Variants in CCDC198 observed in about 807,000 individuals in gnomAD.
The protein encoded by CCDC198 is factor associated with metabolism and energy.
Under a neutral mutation model 35.6 loss-of-function variants are expected in CCDC198, and 18 were observed. The ratio of observed to expected loss-of-function variants is 0.51; its 90% confidence interval spans 0.35 to 0.75. The LOEUF is 0.75. Ranked by LOEUF, CCDC198 falls within the 30% of genes least tolerant of loss-of-function variation. CCDC198 has a pLI of 0.01. For synonymous variants in CCDC198, 119 were observed against 113.4 expected, an observed-to-expected ratio of 1.05 and a Z score of -0.31; for missense variants, 365 against 343.7, an observed-to-expected ratio of 1.06 and a Z score of -0.49.
At chr14:57,476,537 G>T (rs977377366) in intron 5 of CCDC198, among the ~76,000 whole-genome samples, 3 of 152,162 alleles carry the variant, frequency 2.0e-5, no homozygotes, top group Admixed American at 1.3e-4. Context: ...CATTCACTAT[G>T]TGTACATTAT....
At chr14:57,475,279 A>AATAC (rs2066943394) in intron 5 of CCDC198, 1 of 739,476 alleles carries the variant, frequency 1.4e-6, no homozygotes, top group Non-Finnish European at 1.6e-6. Context: ...TAAATAAATA[A>AATAC]ATAAATAAAT....
chr14:57,480,571 A>T (rs1382122675), intron 5 of CCDC198, 24 bp downstream of exon 5: 2 of 1,607,886 alleles, frequency 1.2e-6, no homozygotes, highest in African/African-American at 2.7e-5. Context: ...GAAATGTTTT[A>T]CTAAAAAATT....
At chr14:57,481,263 G>A (rs1352272591) in intron 4 of CCDC198, among the ~76,000 whole-genome samples, 1 of 152,108 alleles carries the variant, frequency 6.6e-6, no homozygotes, top group East Asian at 1.9e-4. Flanking sequence ...ACTAAACCAA[G>A]AAAAATGATC....
chr14:57,488,522 C>A (rs1470971982), intron 2 of CCDC198, among the ~76,000 whole-genome samples: 1 of 152,050 alleles, frequency 6.6e-6, no homozygotes, highest in Non-Finnish European at 1.5e-5. Context: ...TACTCACAAA[C>A]CTTTGTGGAT....
In CCDC198 at chr14:57,488,710, G is replaced by T. The variant is rs533656796; in HGVS notation, c.306+2279C>A. On this transcript the variant is annotated intron_variant, in intron 2 of 5. Transcript: ENST00000216445. Reference sequence around the variant, plus strand: ...AAACAAACAACCCCATTAAAAAGTGGGCAAAGGACATGAACAGACACTTCT... The same window carrying T: ...AAACAAACAACCCCATTAAAAAGTGTGCAAAGGACATGAACAGACACTTCT... Among the ~76,000 whole-genome samples the T allele has an allele frequency of 4.6e-5, 7 of 152,098 alleles. No individual in the cohort carries two copies. In the South Asian group the frequency reaches 1.5e-3, roughly 32 times the overall value.
intron 2 of CCDC198, among the ~76,000 whole-genome samples, chr14:57,486,635 A>G (rs1197052832): frequency 6.6e-6 from 1 of 152,198 alleles, no homozygotes; most frequent in Non-Finnish European, 1.5e-5. Flanking sequence ...AAGTGAATAA[A>G]GGAACGACAT....
chr14:57,477,169 A>G (rs1447027430), intron 5 of CCDC198, among the ~76,000 whole-genome samples: 1 of 152,246 alleles, frequency 6.6e-6, no homozygotes, highest in East Asian at 1.9e-4. Flanking sequence ...GCACTTGTAA[A>G]TACTAGCTGT....
At position 57,478,903 on chromosome 14, in the gene CCDC198, A is replaced by AAGCTC. The variant is rs1375577553; in HGVS notation, c.655+1691_655+1692insGAGCT. 4.6e-5 allele frequency: 57 copies of AAGCTC among 1,249,168 alleles called. No homozygotes were observed. The African/African-American group carries it at 8.3e-4, about 18-fold the overall frequency. The allele number at this position is 1,249,168 out of a possible 1,614,324, so 77.4% of individuals were successfully genotyped here. A position where few individuals can be genotyped will look rare whatever the true frequency, so the allele number is the denominator to read the frequency against. On this transcript the variant is annotated intron_variant, in intron 5 of 5. Coordinates refer to ENST00000216445, the MANE Select transcript of CCDC198 (RefSeq NM_018168.4). ...TCTTAGAAGTTCAAGACCTCCAGAG[A>AAGCTC]CATAGCCAGCTTTTCTGCAGCTCTC...
chr14:57,492,635 T>C (rs1022433768), intron 1 of CCDC198, among the ~76,000 whole-genome samples: 12 of 151,910 alleles, frequency 7.9e-5, no homozygotes, highest in Admixed American at 7.2e-4. Context: ...CTGCAGACAA[T>C]AGCCATGAAA....
chr14:57,471,506 A>G lies in CCDC198; in HGVS notation c.740T>C (p.Leu247Pro), dbSNP rs1225094376. 1 of 1,613,416 alleles carries G rather than the reference A, an allele frequency of 6.2e-7. No individual in the cohort carries two copies. The highest frequency in any genetic ancestry group is 2.2e-5 in the East Asian group (1 of 44,874). Reference protein sequence around the residue: ...PWKIGKMETWLHEQEAQGQLL... With the variant: ...PWKIGKMETWPHEQEAQGQLL... ...CTGTCCCTGGGCCTCTTGTTCATGA[A>G]GCCATGTTTCCATTTTGCCAATTTT... Residue 247 changes from leucine (L) to proline (P), a missense_variant, in exon 6 of 6, where the codon CTT (leucine) becomes CCT (proline). By Grantham distance (98) the Leu-to-Pro change is moderately conservative (BLOSUM62 -3). Coordinates refer to ENST00000216445, the MANE Select transcript of CCDC198 (RefSeq NM_018168.4).
chr14:57,493,705 C>G lies in CCDC198; in HGVS notation c.11G>C (p.Ser4Thr), dbSNP rs777561424. 8.7e-6 allele frequency: 14 copies of G among 1,612,332 alleles called. No individual in the cohort carries two copies. The East Asian group carries it at 2.2e-4, about 26-fold the overall frequency. Residue 4 changes from serine (S) to threonine (T), a missense_variant, in exon 1 of 6, where the codon AGT (serine) becomes ACT (threonine). Transcript: ENST00000216445. MGL[S>T]HSKTHLRVIK... The stretch of plus-strand genomic sequence containing the variant: ...CACCCTAAGGTGAGTCTTAGAGTGA[C>G]TCAGGCCCATTTCATGTGAAAGACA...
chr14:57,485,334 T>C (rs980377877), intron 2 of CCDC198, among the ~76,000 whole-genome samples: 2 of 152,000 alleles, frequency 1.3e-5, no homozygotes, highest in African/African-American at 4.8e-5. Context: ...TGCCCAGGAA[T>C]AAGCTGGCCA....
intron 5 of CCDC198, among the ~76,000 whole-genome samples, chr14:57,473,005 A>G (rs999344771): frequency 2.0e-5 from 3 of 152,214 alleles, no homozygotes; most frequent in Non-Finnish European, 4.4e-5. Context: ...GAAGTTGTGT[A>G]TTATTATATA....
rs757688017 is a variant in CCDC198 at position 57,483,041 on chromosome 14, T to G, written c.393+24A>C. On this transcript the variant is annotated intron_variant, in intron 3 of 5. Coordinates refer to ENST00000216445, the MANE Select transcript of CCDC198 (RefSeq NM_018168.4). Reference sequence around the variant, plus strand: ...GTCGCCCACCCCCAGTTCACCTCCCTGTCAGGTTACTGCTGCAGCTCACCT... The same window carrying G: ...GTCGCCCACCCCCAGTTCACCTCCCGGTCAGGTTACTGCTGCAGCTCACCT... The G allele has an allele frequency of 3.1e-6, 5 of 1,613,778 alleles. No homozygotes were observed. In the African/African-American group the frequency reaches 6.7e-5, roughly 22 times the overall value.
chr14:57,474,309 G>A (rs1022206935), intron 5 of CCDC198, among the ~76,000 whole-genome samples: 1 of 152,150 alleles, frequency 6.6e-6, no homozygotes, highest in Non-Finnish European at 1.5e-5. Flanking sequence ...CATTCATTGG[G>A]GCTCAGGAAT....
At chr14:57,475,860 G>A (rs982202140) in intron 5 of CCDC198, among the ~76,000 whole-genome samples, 36 of 126,554 alleles carry the variant, frequency 2.8e-4, no homozygotes, top group African/African-American at 9.9e-4. Flanking sequence ...GGAGAGCAGT[G>A]GTGTGATCTC....
chr14:57,472,480 G>A (rs2066851946), intron 5 of CCDC198, among the ~76,000 whole-genome samples: 1 of 152,284 alleles, frequency 6.6e-6, no homozygotes, highest in East Asian at 1.9e-4. Context: ...TATTGCACAG[G>A]TGACATTGGG....
chr14:57,492,556 G>T (rs1246925037), intron 1 of CCDC198, among the ~76,000 whole-genome samples: 1 of 151,838 alleles, frequency 6.6e-6, no homozygotes, highest in Non-Finnish European at 1.5e-5. Context: ...CCATCCATGT[G>T]CTTAAGAACT....
Position 57,471,337 on chromosome 14 carries a change from G to A in CCDC198, c.*18C>T, listed in dbSNP as rs371622117. On this transcript the variant is annotated 3_prime_UTR_variant, in exon 6 of 6. Coordinates refer to ENST00000216445, the MANE Select transcript of CCDC198 (RefSeq NM_018168.4). ...AAGCTTTCAAAGCACTCAGTTTCTA[G>A]GTTAATGAATAGTATTCTTATTCTT... is the stretch of plus-strand genomic sequence containing the variant. 73 of 1,574,444 alleles carry A rather than the reference G, an allele frequency of 4.6e-5. No homozygotes were observed. Among genetic ancestry groups the A allele is most frequent in the Admixed American group, 6.9e-5 (4 of 58,230 alleles).
Sources: allele counts gnomAD v4.1 joint callset (sites outside exome capture counted in the v4.1 genomes callset), GRCh38; gene constraint gnomAD v4.1.1; transcripts MANE v1.5; gene names NCBI Gene and HGNC (gene_info 2026-07-23, HGNC 2026-07-21).